The following DPP6 variants were observed in gnomAD, a reference collection of about 807,000 sequenced individuals.
The protein encoded by DPP6 is A-type potassium channel modulatory protein DPP6.
DPP6 carries 69 observed loss-of-function variants against 122.6 expected under a neutral mutation model. That is an observed-to-expected ratio of 0.56 (90% CI 0.46 to 0.69). The LOEUF (loss-of-function observed/expected upper bound fraction) is 0.69. DPP6 is among the 30% of genes least tolerant of loss of function. The pLI, the probability that DPP6 is intolerant of heterozygous loss-of-function variation, is 0.00. For missense variants in DPP6, 928 were observed against 1,116.9 expected (o/e 0.83, Z 2.41); for synonymous variants, 418 against 433.1 (o/e 0.97, Z 0.43).
At chr7:154,572,410 T>C (rs1831165814) in intron 5 of DPP6, among the ~76,000 whole-genome samples, 1 of 152,056 alleles carries the variant, frequency 6.6e-6, no homozygotes, top group South Asian at 2.1e-4. Flanking sequence ...ATATAAGGGA[T>C]TGGGCTATAA....
At chr7:154,862,308 C>T (rs1044235901) in intron 17 of DPP6, among the ~76,000 whole-genome samples, 11 of 152,244 alleles carry the variant, frequency 7.2e-5, no homozygotes, top group South Asian at 2.1e-4. Context: ...CATTTGCCAG[C>T]AGGCTCCTAT....
chr7:154,105,240 G>A (rs542315592), intron 1 of DPP6, among the ~76,000 whole-genome samples: 6 of 152,346 alleles, frequency 3.9e-5, no homozygotes, highest in South Asian at 2.1e-4. Flanking sequence ...GGGAGAGACC[G>A]GGCCTGAGGT....
chr7:154,865,994 A>G (rs1051798808), intron 17 of DPP6, among the ~76,000 whole-genome samples: 1 of 152,254 alleles, frequency 6.6e-6, no homozygotes, highest in African/African-American at 2.4e-5. Context: ...ATTTGCTGCC[A>G]GGAAAATGAC....
intron 3 of DPP6, among the ~76,000 whole-genome samples, chr7:154,518,325 A>T (rs1009478832): frequency 2.0e-5 from 3 of 152,210 alleles, no homozygotes; most frequent in Non-Finnish European, 4.4e-5. Context: ...TCAAGCTTAG[A>T]TAAACACTTG....
intron 5 of DPP6, among the ~76,000 whole-genome samples, chr7:154,568,645 C>T (rs1291393790): frequency 6.6e-6 from 1 of 152,100 alleles, no homozygotes; most frequent in African/African-American, 2.4e-5. Context: ...AACCAGAAAC[C>T]ATTTTGATAA....
chr7:154,346,709 A>G (rs9655639), intron 1 of DPP6, among the ~76,000 whole-genome samples: 37,945 of 152,136 alleles, frequency 0.25, 9,617 homozygotes, highest in African/African-American at 0.66. Flanking sequence ...TGAGAGCACC[A>G]AGCAGGTGTT....
chr7:153,884,987 A>AATACATACATATATATATATATATAT (rs1209555021), upstream of DPP6, among the ~76,000 whole-genome samples: 19 of 116,466 alleles, frequency 1.6e-4, no homozygotes, highest in East Asian at 2.2e-3. Context: ...TCAAAACAAA[A>AATACATACATATATATATATATATAT]ATATATATAT....
intron 20 of DPP6, 29 bp downstream of exon 20, chr7:154,876,129 G>A (rs771727358): frequency 3.6e-5 from 56 of 1,544,164 alleles, no homozygotes; most frequent in Middle Eastern, 2.2e-4. Flanking sequence ...AGCAGGAGAG[G>A]CCGGGAGGGG....
the DPP6 span, among the ~76,000 whole-genome samples, chr7:153,757,329 A>C: frequency 6.6e-6 from 1 of 152,246 alleles, no homozygotes; most frequent in Non-Finnish European, 1.5e-5. Flanking sequence ...TACATCTGAC[A>C]AAATGTGCGC....
the DPP6 span, among the ~76,000 whole-genome samples, chr7:153,845,324 T>C: frequency 6.6e-6 from 1 of 152,130 alleles, no homozygotes; most frequent in South Asian, 2.1e-4. Flanking sequence ...TGTTACCATA[T>C]ATTGAAGCCC....
At chr7:154,612,492 C>T (rs375000709) in intron 5 of DPP6, among the ~76,000 whole-genome samples, 2 of 124,180 alleles carry the variant, frequency 1.6e-5, no homozygotes, top group African/African-American at 2.6e-5. Context: ...ATAGCGGGTT[C>T]CTTTTTATTG....
chr7:154,735,678 T>C (rs913394871), intron 8 of DPP6, among the ~76,000 whole-genome samples: 3 of 152,224 alleles, frequency 2.0e-5, no homozygotes, highest in Admixed American at 1.3e-4. Context: ...AGAAGCTGTT[T>C]GGTAGAAGTT....
At chr7:154,011,036 ATGT>A (rs1188042212) in intron 1 of DPP6, among the ~76,000 whole-genome samples, 2 of 152,158 alleles carry the variant, frequency 1.3e-5, no homozygotes, top group African/African-American at 4.8e-5. Context: ...GCCATTGAGA[ATGT>A]TGTTGAGTGC....
At chr7:154,706,132 G>T (rs1026552901) in intron 7 of DPP6, among the ~76,000 whole-genome samples, 3 of 152,188 alleles carry the variant, frequency 2.0e-5, no homozygotes, top group African/African-American at 4.8e-5. Flanking sequence ...TCACACAAAA[G>T]CATGGAGTCA....
chr7:154,626,828 G>A (rs1835097330), intron 5 of DPP6, among the ~76,000 whole-genome samples: 1 of 152,116 alleles, frequency 6.6e-6, no homozygotes, highest in Non-Finnish European at 1.5e-5. Flanking sequence ...ATAAATGGTT[G>A]CAGTAAATTG....
At chr7:154,184,782 T>A (rs911036604) in intron 1 of DPP6, among the ~76,000 whole-genome samples, 11 of 152,240 alleles carry the variant, frequency 7.2e-5, no homozygotes, top group Non-Finnish European at 1.6e-4. Context: ...CGTGCCTGTT[T>A]GATGCCTTAC....
chr7:154,523,224 C>A (rs1563800934), intron 3 of DPP6, among the ~76,000 whole-genome samples: 1 of 151,948 alleles, frequency 6.6e-6, no homozygotes, highest in African/African-American at 2.4e-5. Flanking sequence ...TCGTTCTTTT[C>A]TTTTTTTTGA....
chr7:153,904,730 G>A (rs1799779012), intron 1 of DPP6, among the ~76,000 whole-genome samples: 1 of 152,216 alleles, frequency 6.6e-6, no homozygotes, highest in Non-Finnish European at 1.5e-5. Context: ...GAAATAGACA[G>A]TGATTACACA....
At chr7:154,809,642 G>C (rs1164249821) in intron 16 of DPP6, among the ~76,000 whole-genome samples, 1 of 152,184 alleles carries the variant, frequency 6.6e-6, no homozygotes, top group African/African-American at 2.4e-5. Flanking sequence ...GAAAGGGAGT[G>C]GAGGCGACAG....
Sources: allele counts gnomAD v4.1 joint callset (sites outside exome capture counted in the v4.1 genomes callset), GRCh38; gene constraint gnomAD v4.1.1; transcripts MANE v1.5; gene names NCBI Gene and HGNC (gene_info 2026-07-23, HGNC 2026-07-21).